The following SHISA9 variants were observed in gnomAD, a reference collection of about 807,000 sequenced individuals.
SHISA9 encodes the protein shisa family member 9, also known as protein shisa-9.
Under a neutral mutation model 38.0 loss-of-function variants are expected in SHISA9, and 13 were observed. The observed-to-expected ratio is 0.34, with a 90% CI of 0.22 to 0.54. SHISA9 has a LOEUF of 0.54. SHISA9 is among the 20% of genes least tolerant of loss of function. SHISA9 has a pLI of 0.91. For missense variants in SHISA9, 538 were observed against 575.8 expected (o/e 0.93, Z 0.67); for synonymous variants, 275 against 242.0 (o/e 1.14, Z -1.27).
intron 2 of SHISA9, among the ~76,000 whole-genome samples, chr16:12,946,867 C>G (rs1032415048): frequency 1.3e-5 from 2 of 152,258 alleles, no homozygotes; most frequent in Non-Finnish European, 2.9e-5. Context: ...GGGGGAATTC[C>G]TGCTTGCCCC....
the SHISA9 span, among the ~76,000 whole-genome samples, chr16:13,423,855 C>G: frequency 6.6e-6 from 1 of 152,208 alleles, no homozygotes; most frequent in Non-Finnish European, 1.5e-5. Context: ...GCTCTCAGCT[C>G]CAAGAGGCCA....
At chr16:12,970,352 T>TAC (rs1201806241) in intron 2 of SHISA9, among the ~76,000 whole-genome samples, 5,341 of 42,758 alleles carry the variant, frequency 0.12, 600 homozygotes, top group Non-Finnish European at 0.18. Flanking sequence ...TACATATATG[T>TAC]GTATATATAT....
chr16:12,924,790 G>A (rs2071372883), intron 2 of SHISA9, among the ~76,000 whole-genome samples: 1 of 152,198 alleles, frequency 6.6e-6, no homozygotes, highest in South Asian at 2.1e-4. Flanking sequence ...CAATGAAGAA[G>A]TGGGGGACAC....
chr16:13,084,698 A>C (rs530946681), intron 2 of SHISA9, among the ~76,000 whole-genome samples: 1 of 152,202 alleles, frequency 6.6e-6, no homozygotes, highest in Non-Finnish European at 1.5e-5. Flanking sequence ...CATATGACTG[A>C]GGGACCTGAC....
chr16:12,902,217 C>T lies in SHISA9; in HGVS notation c.153C>T (p.Ser51=), dbSNP rs568551769. The T allele has an allele frequency of 7.2e-6, 11 of 1,536,894 alleles. No individual in the cohort carries two copies. The highest frequency in any genetic ancestry group is 1.4e-5 in the African/African-American group (1 of 73,086). Residue 51 remains serine (S), a synonymous_variant, in exon 1 of 5, where the codon TCC becomes TCT. Coordinates refer to ENST00000558583, the MANE Select transcript of SHISA9 (RefSeq NM_001145204.3). Reference sequence around the variant, plus strand: ...GGGGCAACCGCTCCGGGGCCGCCTCCGGAGAGGCCAGCGAGGGCGCTGAGG... The same window carrying T: ...GGGGCAACCGCTCCGGGGCCGCCTCTGGAGAGGCCAGCGAGGGCGCTGAGG... ...LAGGNRSGAA[S]GEASEGAEAS...
At chr16:13,197,104 T>TAC (rs58365720) in intron 2 of SHISA9, among the ~76,000 whole-genome samples, 1,108 of 106,558 alleles carry the variant, frequency 0.01, 5 homozygotes, top group Non-Finnish European at 0.013. Flanking sequence ...TCTCTGTACA[T>TAC]ACACACACAC....
chr16:13,038,484 C>A (rs2073098976), intron 2 of SHISA9, among the ~76,000 whole-genome samples: 1 of 152,318 alleles, frequency 6.6e-6, no homozygotes, highest in Non-Finnish European at 1.5e-5. Context: ...CCTCTTGCTT[C>A]TTTGAGGTCC....
chr16:13,549,164 C>G, the SHISA9 span, among the ~76,000 whole-genome samples: 1 of 152,120 alleles, frequency 6.6e-6, no homozygotes, highest in Non-Finnish European at 1.5e-5. Context: ...TGTTAAAATG[C>G]TGATCTCATA....
chr16:13,486,136 A>G, the SHISA9 span, among the ~76,000 whole-genome samples: 64 of 152,340 alleles, frequency 4.2e-4, no homozygotes, highest in African/African-American at 1.5e-3. Flanking sequence ...ATGGATGGGC[A>G]TCTGATCCAG....
chr16:13,229,861 T>C (rs1229427790), intron 4 of SHISA9, among the ~76,000 whole-genome samples: 2 of 152,166 alleles, frequency 1.3e-5, no homozygotes, highest in African/African-American at 4.8e-5. Flanking sequence ...TGAGTAACAG[T>C]AAACCTGGTG....
the SHISA9 span, among the ~76,000 whole-genome samples, chr16:13,502,989 A>G: frequency 2.6e-3 from 393 of 152,348 alleles, 2 homozygotes; most frequent in African/African-American, 9.1e-3. Flanking sequence ...TAATAAAACA[A>G]TCAGAATATA....
the SHISA9 span, among the ~76,000 whole-genome samples, chr16:13,328,021 C>G: frequency 6.6e-6 from 1 of 152,154 alleles, no homozygotes; most frequent in Non-Finnish European, 1.5e-5. Context: ...CAACATCATG[C>G]GCATTTATTA....
chr16:13,003,934 G>A (rs1356156306), intron 2 of SHISA9, among the ~76,000 whole-genome samples: 1 of 152,014 alleles, frequency 6.6e-6, no homozygotes, highest in Non-Finnish European at 1.5e-5. Flanking sequence ...AATATTCTAG[G>A]TGACAGGACT....
the SHISA9 span, among the ~76,000 whole-genome samples, chr16:13,362,842 T>G: frequency 6.6e-6 from 1 of 152,250 alleles, no homozygotes; most frequent in African/African-American, 2.4e-5. Flanking sequence ...TTGCCTTGTT[T>G]TTTTCAAAGT....
chr16:12,976,233 G>A (rs1182076991), intron 2 of SHISA9, among the ~76,000 whole-genome samples: 2 of 152,074 alleles, frequency 1.3e-5, no homozygotes, highest in South Asian at 2.1e-4. Flanking sequence ...AGCCACAGGT[G>A]TGCGCCACCA....
At chr16:12,950,010 C>T (rs1454813872) in intron 2 of SHISA9, among the ~76,000 whole-genome samples, 1 of 152,144 alleles carries the variant, frequency 6.6e-6, no homozygotes, top group Non-Finnish European at 1.5e-5. Context: ...AACTTTTCCC[C>T]ATTTCCACCT....
At chr16:13,164,900 T>A (rs1041579369) in intron 2 of SHISA9, among the ~76,000 whole-genome samples, 3 of 152,200 alleles carry the variant, frequency 2.0e-5, no homozygotes, top group Admixed American at 2.0e-4. Flanking sequence ...GCTTACAATA[T>A]GGTTCATCTG....
rs2073588551 is a variant in SHISA9 at position 13,076,861 on chromosome 16, T to G, written c.692-126533T>G. ...GTATCCCTACTTGTCATGGTCCCTG[T>G]ACATAGTAGGCCCTCAGTAAATATT... On this transcript the variant is annotated intron_variant, in intron 2 of 4. Transcript: ENST00000558583. Among the ~76,000 whole-genome samples the G allele has an allele frequency of 2.6e-5, 4 of 152,354 alleles. No homozygotes were observed. The South Asian group carries it at 8.3e-4, about 32-fold the overall frequency.
chr16:13,204,346 T>G (rs2051042998), intron 3 of SHISA9, among the ~76,000 whole-genome samples: 1 of 152,020 alleles, frequency 6.6e-6, no homozygotes, highest in Admixed American at 6.6e-5. Flanking sequence ...TACATTGCTG[T>G]GTGAGGCAGG....
Sources: gnomAD v4.1 joint callset for allele counts (sites outside exome capture counted in the v4.1 genomes callset) on GRCh38, gnomAD v4.1.1 for gene constraint, MANE v1.5 for transcripts, NCBI Gene and HGNC (gene_info 2026-07-23, HGNC 2026-07-21) for gene names.